The following RELA variants were observed in gnomAD, a reference collection of about 807,000 sequenced individuals.
RELA encodes the protein RELA proto-oncogene, NF-kB subunit, also known as transcription factor p65.
RELA carries 14 observed loss-of-function variants against 56.7 expected under a neutral mutation model. The observed-to-expected ratio is 0.25, with a 90% confidence interval of 0.16 to 0.39. The LOEUF (loss-of-function observed/expected upper bound fraction) is 0.39, where lower values mean the gene tolerates loss of function less well. Among genes scored for constraint, RELA ranks in the 10% least tolerant of loss-of-function variants. The probability of loss-of-function intolerance (pLI) is 1.00; values close to 1 mark genes in which losing one functional copy is unlikely to be tolerated. For missense variants in RELA, 559 were observed against 736.4 expected (o/e 0.76, Z 2.79); for synonymous variants, 315 against 289.7 (o/e 1.09, Z -0.89).
At chr11:65,660,383 C>A in intron 4 of RELA, 168 bp from the exon 5 acceptor site, 1 of 638,228 alleles carries the variant, frequency 1.6e-6, no homozygotes, top group Non-Finnish European at 2.8e-6. Context: ...CTTCACTCAG[C>A]TGACAAGCAC....
In RELA at chr11:65,658,093, C is replaced by T. The variant is rs978701505; in HGVS notation, c.877+194G>A. Among the ~76,000 whole-genome samples the T allele has an allele frequency of 2.0e-5, 3 of 152,218 alleles. No individual in the cohort carries two copies. Among genetic ancestry groups the T allele is most frequent in the African/African-American group, 7.2e-5 (3 of 41,442 alleles). On this transcript the variant is annotated intron_variant, in intron 8 of 10. Transcript: ENST00000406246. The surrounding 1 kb of genome is among the most constrained non-coding windows in gnomAD (Gnocchi z 4.5). ...TCCAGTGAAGTGCCTGGAATAGGGG[C>T]AGATGTGTAGTACTAGCTCAATGTC...
In RELA at chr11:65,658,335, C is replaced by T; in HGVS notation, c.829G>A (p.Asp277Asn). 2 of 1,611,892 alleles carry T rather than the reference C, an allele frequency of 1.2e-6. No individual in the cohort carries two copies. Among genetic ancestry groups the T allele is most frequent in the Non-Finnish European group, 8.5e-7 (1 of 1,179,300 alleles). The change falls in exon 8 of 11, where the codon GAC (aspartate) becomes AAC (asparagine). Residue 277 changes from aspartate (D) to asparagine (N), a missense_variant. By Grantham distance (23) the Asp-to-Asn change is conservative (BLOSUM62 1). Around this residue, in one of 4 missense-constraint regions of RELA, gnomAD observed 365 missense variants for 387.5 expected, o/e 0.94. Coordinates refer to ENST00000406246, the MANE Select transcript of RELA (RefSeq NM_021975.4). The surrounding 1 kb of genome is among the most constrained non-coding windows in gnomAD (Gnocchi z 4.5). Reference sequence around the variant, plus strand: ...TCCATGGGCTCACTGAGCTCCCGGTCGGAAGGCCGCCGCAGCTGCATGGAG... The same window carrying T: ...TCCATGGGCTCACTGAGCTCCCGGTTGGAAGGCCGCCGCAGCTGCATGGAG... Reference protein sequence around the residue: ...RVSMQLRRPSDRELSEPMEFQ... With the variant: ...RVSMQLRRPSNRELSEPMEFQ...
At chr11:65,656,520 CCT>C (rs113921530) in intron 8 of RELA, among the ~76,000 whole-genome samples, 359 of 152,290 alleles carry the variant, frequency 2.4e-3, no homozygotes, top group African/African-American at 8.4e-3. Flanking sequence ...CGCCATCTGC[CCT>C]GTCACCAAAG....
rs1263528129 is a variant in RELA at position 65,662,185 on chromosome 11, G to A, written c.28C>T (p.Pro10Ser). The change falls in exon 2 of 11, where the codon CCG (proline) becomes TCG (serine). Residue 10 changes from proline (P) to serine (S), a missense_variant. Transcript: ENST00000406246. ...CGCCGCGGGGGCCACTTACCTGCCG[G>A]GAAGATGAGGGGGAACAGTTCTGAA... MDELFPLIF[P>S]AEPAQASGPY... 5.0e-6 allele frequency: 8 copies of A among 1,588,414 alleles called. No homozygotes were observed. The highest frequency in any genetic ancestry group is 1.9e-5 in the Admixed American group (1 of 51,288).
Position 65,654,089 on chromosome 11 carries a change from C to T in RELA, c.*289G>A. ...AAGCTGGAGGATGGGGATGGGGGACCCCAGAGTTCCCTACAGAGAAGGGAG... is the reference window on the plus strand; with the variant it reads ...AAGCTGGAGGATGGGGATGGGGGACTCCAGAGTTCCCTACAGAGAAGGGAG... On this transcript the variant is annotated 3_prime_UTR_variant, in exon 11 of 11. Coordinates refer to ENST00000406246, the MANE Select transcript of RELA (RefSeq NM_021975.4). The T allele has an allele frequency of 2.2e-6, 1 of 459,166 alleles. No individual in the cohort carries two copies. Among genetic ancestry groups the T allele is most frequent in the Non-Finnish European group, 4.0e-6 (1 of 250,742 alleles). The allele number at this position is 459,166 out of a possible 1,614,324, so 28.4% of individuals were successfully genotyped here.
rs1329773304 is a variant in RELA at position 65,653,751 on chromosome 11, A to C, written c.*627T>G. ...ACTTACCCTACTATTAAGGCACTTG[A>C]GAAGAGGGAGAGCAAGGAAGTCCCA... On this transcript the variant is annotated 3_prime_UTR_variant, in exon 11 of 11. Transcript: ENST00000406246. The C allele has an allele frequency of 6.5e-6, 1 of 154,804 alleles. No individual in the cohort carries two copies. The highest frequency in any genetic ancestry group is 1.4e-5 in the Non-Finnish European group (1 of 69,486). The allele number at this position is 154,804 out of a possible 1,614,324, so 9.6% of individuals were successfully genotyped here.
chr11:65,658,850 A>T lies in RELA; in HGVS notation c.560-28T>A. On this transcript the variant is annotated intron_variant, in intron 6 of 10. Transcript: ENST00000406246. This position sits in a 1 kb window ranked among gnomAD's most constrained non-coding sequence, Gnocchi z 4.5. ...GAGGCAGTGAAAACAAGGGAGGATG[A>T]CCTGAGCCACGAGAGGTCCCCAGGG... is the stretch of plus-strand genomic sequence containing the variant. 6.3e-7 allele frequency: 1 copy of T among 1,597,492 alleles called. No individual in the cohort carries two copies.
chr11:65,663,018 C>T, upstream of RELA: 1 of 308,948 alleles, frequency 3.2e-6, no homozygotes, highest in Non-Finnish European at 5.6e-6. Flanking sequence ...GTGCACGCCG[C>T]GCGGAGGACG....
chr11:65,658,863 G>C lies in RELA; in HGVS notation c.560-41C>G, dbSNP rs1856494317. 3.9e-6 allele frequency: 6 copies of C among 1,551,834 alleles called. No individual in the cohort carries two copies. Among genetic ancestry groups the C allele is most frequent in the Non-Finnish European group, 5.3e-6 (6 of 1,123,680 alleles). On this transcript the variant is annotated intron_variant, in intron 6 of 10. Coordinates refer to ENST00000406246, the MANE Select transcript of RELA (RefSeq NM_021975.4). This position sits in a 1 kb window ranked among gnomAD's most constrained non-coding sequence, Gnocchi z 4.5. ...CAAGGGAGGATGACCTGAGCCACGA[G>C]AGGTCCCCAGGGTGGCCTGCAGGAG...
intron 4 of RELA, 76 bp downstream of exon 4, chr11:65,661,611 G>A (rs1384447740): frequency 5.7e-6 from 8 of 1,396,580 alleles, no homozygotes; most frequent in African/African-American, 2.9e-5. Flanking sequence ...CCAGAAAGGA[G>A]TAACACTGTA....
chr11:65,659,764 A>G lies in RELA; in HGVS notation c.461T>C (p.Leu154Pro). The change falls in exon 6 of 11, where the codon CTG becomes CCG. Residue 154 changes from leucine to proline, a missense_variant. Physicochemically the swap from Leu to Pro is moderately conservative, Grantham distance 98 (BLOSUM62 -3). Transcript: ENST00000406246. ...PIEEQRGDYD[L>P]NAVRLCFQVT... Reference sequence around the variant, plus strand: ...CTGGAAGCAGAGCCGCACAGCATTCAGGTCGTAGTCCCCACGCTGCTCTTC... The same window carrying G: ...CTGGAAGCAGAGCCGCACAGCATTCGGGTCGTAGTCCCCACGCTGCTCTTC... The G allele has an allele frequency of 6.2e-7, 1 of 1,613,768 alleles. No individual in the cohort carries two copies. Among genetic ancestry groups the G allele is most frequent in the Non-Finnish European group, 8.5e-7 (1 of 1,179,928 alleles).
chr11:65,654,851 G>C lies in RELA; in HGVS notation c.1183C>G (p.Pro395Ala). 6.4e-7 allele frequency: 1 copy of C among 1,562,272 alleles called. No individual in the cohort carries two copies. The highest frequency in any genetic ancestry group is 1.2e-5 in the South Asian group (1 of 85,702). Residue 395 changes from proline to alanine, a missense_variant, in exon 11 of 11, where the codon CCT (proline) becomes GCT (alanine). Coordinates refer to ENST00000406246, the MANE Select transcript of RELA (RefSeq NM_021975.4). The stretch of plus-strand genomic sequence containing the variant: ...AGAGCTGATACCATGGCTGGAGCAG[G>C]GGCAGGGGCTGGAGCCTGGGGCAGG... Reference protein sequence around the residue: ...QVLPQAPAPAPAPAMVSALAQ... With the variant: ...QVLPQAPAPAAAPAMVSALAQ...
intron 10 of RELA, chr11:65,655,390 A>G (rs1856397712): frequency 1.7e-6 from 1 of 585,950 alleles, no homozygotes; most frequent in Non-Finnish European, 3.0e-6. Context: ...ACAGGCACAC[A>G]CATCTTGCTA....
chr11:65,654,582 C>G lies in RELA; in HGVS notation c.1452G>C (p.Val484=). 4 of 1,613,528 alleles carry G rather than the reference C, an allele frequency of 2.5e-6. No homozygotes were observed. The highest frequency in any genetic ancestry group is 3.4e-6 in the Non-Finnish European group (4 of 1,179,768). Residue 484 remains valine (V), a synonymous_variant, in exon 11 of 11, where the codon GTG becomes GTC. Transcript: ENST00000406246. The part of the protein sequence containing the change: ...FQQLLNQGIP[V]APHTTEPMLM... ...GCATGGGCTCAGTTGTGTGGGGGGC[C>G]ACAGGTATGCCCTGGTTCAGCAGCT... is the stretch of plus-strand genomic sequence containing the variant.
Position 65,654,251 on chromosome 11 carries a change from C to G in RELA, c.*127G>C. Reference sequence around the variant, plus strand: ...CAATAAAAGAATAAAATATGGCTCCCCCCTCCAAGGAAGACATCCACAAAG... The same window carrying G: ...CAATAAAAGAATAAAATATGGCTCCGCCCTCCAAGGAAGACATCCACAAAG... On this transcript the variant is annotated 3_prime_UTR_variant, in exon 11 of 11. Transcript: ENST00000406246. 1 of 1,136,938 alleles carries G rather than the reference C, an allele frequency of 8.8e-7. No individual in the cohort carries two copies. Among genetic ancestry groups the G allele is most frequent in the Non-Finnish European group, 1.3e-6 (1 of 764,338 alleles). 70.4% of individuals were successfully genotyped at this position (1,136,938 alleles called of 1,614,324 possible).
chr11:65,662,717 T>C, intron 1 of RELA, 109 bp downstream of exon 1: 1 of 919,176 alleles, frequency 1.1e-6, no homozygotes, highest in Non-Finnish European at 1.4e-6. Context: ...GACCGCTCCC[T>C]GCGCAGCGCC....
chr11:65,654,982 A>C lies in RELA; in HGVS notation c.1052T>G (p.Phe351Cys), dbSNP rs1856383668. Reference sequence around the variant, plus strand: ...GTTGATGGTGCTCAGGGATGACGTAAAGGGATAGGGCTGGGGTGCTGGAGG... The same window carrying C: ...GTTGATGGTGCTCAGGGATGACGTACAGGGATAGGGCTGGGGTGCTGGAGG... ...VPKPAPQPYPFTSSLSTINYD... is the reference protein window; with the variant it reads ...VPKPAPQPYPCTSSLSTINYD... Residue 351 changes from phenylalanine (F) to cysteine (C), a missense_variant, in exon 11 of 11, where the codon TTT becomes TGT. Coordinates refer to ENST00000406246, the MANE Select transcript of RELA (RefSeq NM_021975.4). 2 of 1,601,438 alleles carry C rather than the reference A, an allele frequency of 1.2e-6. No individual in the cohort carries two copies. The highest frequency in any genetic ancestry group is 1.7e-6 in the Non-Finnish European group (2 of 1,174,846).
rs1590935584 is a variant in RELA, at chr11:65,658,589, A to C, written c.665-90T>G. 7.2e-7 allele frequency: 1 copy of C among 1,398,214 alleles called. No homozygotes were observed. The highest frequency in any genetic ancestry group is 1.0e-6 in the Non-Finnish European group (1 of 1,001,914). The allele number at this position is 1,398,214 out of a possible 1,614,324, so 86.6% of individuals were successfully genotyped here. The stretch of plus-strand genomic sequence containing the variant: ...TCTGATGCTTGTCTTCTGATACATC[A>C]CCCTTCGGCCCACCTGAGGCCCCCG... On this transcript the variant is annotated intron_variant, in intron 7 of 10. Coordinates refer to ENST00000406246, the MANE Select transcript of RELA (RefSeq NM_021975.4). This position sits in a 1 kb window ranked among gnomAD's most constrained non-coding sequence, Gnocchi z 4.5.
chr11:65,659,416 T>C (rs1170087171), intron 6 of RELA, among the ~76,000 whole-genome samples: 2 of 152,112 alleles, frequency 1.3e-5, no homozygotes, highest in Non-Finnish European at 2.9e-5. Context: ...CACACAATAC[T>C]GAAAATGCCC....
Sources: allele counts gnomAD v4.1 joint callset (sites outside exome capture counted in the v4.1 genomes callset), GRCh38; gene constraint gnomAD v4.1.1; regional missense constraint gnomAD v4.1.1; non-coding constraint Gnocchi (gnomAD v3.1); transcripts MANE v1.5; gene names NCBI Gene and HGNC (gene_info 2026-07-23, HGNC 2026-07-21).